Variants in PDE6A observed in about 807,000 individuals in gnomAD.
PDE6A encodes the protein phosphodiesterase 6A.
Under a neutral mutation model 106.3 loss-of-function variants are expected in PDE6A, and 84 were observed. That is an observed-to-expected ratio of 0.79 (90% CI 0.66 to 0.95). The LOEUF (loss-of-function observed/expected upper bound fraction) is 0.95, where lower values mean the gene tolerates loss of function less well. Ranked by LOEUF, PDE6A falls within the 40% of genes least tolerant of loss-of-function variation. The probability of loss-of-function intolerance (pLI) is 0.00; values close to 1 mark genes in which losing one functional copy is unlikely to be tolerated. For synonymous variants in PDE6A, 394 were observed against 386.6 expected, an observed-to-expected ratio of 1.02 and a Z score of -0.23; for missense variants, 1,052 against 1,084.9, an observed-to-expected ratio of 0.97 and a Z score of 0.43.
intron 6 of PDE6A, among the ~76,000 whole-genome samples, chr5:149,912,285 A>G (rs1397299761): frequency 6.6e-6 from 1 of 152,026 alleles, no homozygotes; most frequent in East Asian, 1.9e-4. Flanking sequence ...TCCAACATCT[A>G]TGTTCTTCCT....
At chr5:149,901,308 C>T (rs1391252109) in intron 8 of PDE6A, among the ~76,000 whole-genome samples, 1 of 152,116 alleles carries the variant, frequency 6.6e-6, no homozygotes, top group Non-Finnish European at 1.5e-5. Context: ...GCAGGCAGAT[C>T]ACCTGAGGTC....
At chr5:149,861,449 G>C (rs1358165610) in intron 21 of PDE6A, among the ~76,000 whole-genome samples, 1 of 152,370 alleles carries the variant, frequency 6.6e-6, no homozygotes, top group South Asian at 2.1e-4. Context: ...AAGAGTTGGA[G>C]GCCAACCTGG....
intron 4 of PDE6A, among the ~76,000 whole-genome samples, chr5:149,923,683 G>A (rs1753797870): frequency 6.6e-6 from 1 of 152,154 alleles, no homozygotes; most frequent in Non-Finnish European, 1.5e-5. Flanking sequence ...GAGGCCAACT[G>A]AGAACCACAC....
intron 17 of PDE6A, among the ~76,000 whole-genome samples, chr5:149,878,725 C>T (rs528733114): frequency 3.3e-5 from 5 of 152,320 alleles, no homozygotes; most frequent in Non-Finnish European, 7.3e-5. Context: ...ACAATTATAC[C>T]TCATTGTAGT....
In PDE6A at chr5:149,898,438, T is replaced by A; in HGVS notation, c.1332A>T (p.Glu444Asp). Reference protein sequence around the residue: ...PDTYESMNKLENRKDIFQDIV... With the variant: ...PDTYESMNKLDNRKDIFQDIV... ...TGTCCTGGAAAATATCCTTCCTATT[T>A]TCAAGTTTATTCATTGACTCATAGG... The change falls in exon 10 of 22, where the codon GAA becomes GAT. Residue 444 changes from glutamate to aspartate, a missense_variant. Glu to Asp is a conservative substitution (Grantham distance 45). Coordinates refer to ENST00000255266, the MANE Select transcript of PDE6A (RefSeq NM_000440.3). 6.2e-7 allele frequency: 1 copy of A among 1,613,040 alleles called. No homozygotes were observed. Among genetic ancestry groups the A allele is most frequent in the Non-Finnish European group, 8.5e-7 (1 of 1,179,046 alleles).
chr5:149,933,785 C>T (rs1307676952), intron 3 of PDE6A, 145 bp downstream of exon 3: 1 of 680,154 alleles, frequency 1.5e-6, no homozygotes, highest in East Asian at 2.7e-5. Flanking sequence ...GCTTTACAGA[C>T]AACCACTACC....
rs57546599 is a variant in PDE6A, at chr5:149,910,093, T to A, written c.999-2715A>T. Reference sequence around the variant, plus strand: ...TTTTTGAGGTCATGTTATGAGGTGCTTGCAAATTTAGAATGGTAATATCTT... The same window carrying A: ...TTTTTGAGGTCATGTTATGAGGTGCATGCAAATTTAGAATGGTAATATCTT... On this transcript the variant is annotated intron_variant, in intron 6 of 21. Coordinates refer to ENST00000255266, the MANE Select transcript of PDE6A (RefSeq NM_000440.3). Among the ~76,000 whole-genome samples the A allele has an allele frequency of 3.0e-3, 457 of 152,300 alleles. 1 individual carries two copies. The highest frequency in any genetic ancestry group is 0.011 in the African/African-American group (445 of 41,564).
chr5:149,878,299 T>C, intron 17 of PDE6A, among the ~76,000 whole-genome samples: 1 of 151,542 alleles, frequency 6.6e-6, no homozygotes, highest in East Asian at 1.9e-4. Flanking sequence ...ATCCTGCTCC[T>C]GGCTTTTTTT....
intron 13 of PDE6A, among the ~76,000 whole-genome samples, chr5:149,890,930 T>C (rs1264230528): frequency 6.6e-6 from 1 of 152,226 alleles, no homozygotes; most frequent in Non-Finnish European, 1.5e-5. Flanking sequence ...TTGATCCAAG[T>C]CAAGTTACCT....
At chr5:149,882,243 C>G (rs2113545971) in intron 17 of PDE6A, among the ~76,000 whole-genome samples, 1 of 151,970 alleles carries the variant, frequency 6.6e-6, no homozygotes, top group Admixed American at 6.5e-5. Context: ...GAAGGAGTGG[C>G]AACTTGCTGC....
At chr5:149,917,048 T>A (rs1179260272) in intron 5 of PDE6A, among the ~76,000 whole-genome samples, 2 of 146,210 alleles carry the variant, frequency 1.4e-5, no homozygotes, top group Non-Finnish European at 3.0e-5. Flanking sequence ...AAAGGGGATA[T>A]CTTTTTTTTT....
intron 13 of PDE6A, among the ~76,000 whole-genome samples, chr5:149,893,635 T>C (rs1331926021): frequency 2.6e-5 from 4 of 152,214 alleles, no homozygotes; most frequent in Non-Finnish European, 2.9e-5. Flanking sequence ...AATATGGTTA[T>C]GCAACCTTAC....
Position 149,903,645 on chromosome 5 carries a change from T to TA in PDE6A, c.1113+2dup. The TA allele has an allele frequency of 6.2e-7, 1 of 1,611,678 alleles. No individual in the cohort carries two copies. The highest frequency in any genetic ancestry group is 1.1e-5 in the South Asian group (1 of 91,042). On this transcript the variant is annotated splice_region_variant and intron_variant, in intron 8 of 21. Transcript: ENST00000255266. ...CTAAGACTGCAAATAAAAAATGACTTACCTGAAATGCAAAAAAGTCCTCCG... is the reference window on the plus strand; with the variant it reads ...CTAAGACTGCAAATAAAAAATGACTTAACCTGAAATGCAAAAAAGTCCTCCG...
chr5:149,919,761 A>G (rs1164919157), intron 5 of PDE6A, among the ~76,000 whole-genome samples: 2 of 152,222 alleles, frequency 1.3e-5, no homozygotes, highest in Non-Finnish European at 2.9e-5. Flanking sequence ...TGAAAGAGCC[A>G]CAGATACCCA....
intron 4 of PDE6A, among the ~76,000 whole-genome samples, chr5:149,927,719 A>C (rs1307328230): frequency 2.0e-5 from 3 of 152,046 alleles, no homozygotes. Flanking sequence ...CTTTTTAAAA[A>C]AATCTCAAAT....
intron 17 of PDE6A, among the ~76,000 whole-genome samples, chr5:149,877,569 C>T (rs1009791642): frequency 6.6e-6 from 1 of 152,088 alleles, no homozygotes; most frequent in Admixed American, 6.5e-5. Flanking sequence ...ACCACAATGC[C>T]TGGCTAATTT....
intron 5 of PDE6A, among the ~76,000 whole-genome samples, chr5:149,915,284 C>T (rs1469875986): frequency 6.6e-6 from 1 of 152,140 alleles, no homozygotes; most frequent in Non-Finnish European, 1.5e-5. Flanking sequence ...GCTGGGATTA[C>T]AGGCGTGAGC....
intron 21 of PDE6A, among the ~76,000 whole-genome samples, chr5:149,862,906 G>A (rs114281923): frequency 3.3e-5 from 5 of 152,332 alleles, no homozygotes; most frequent in South Asian, 4.1e-4. Flanking sequence ...GGCCTGGATC[G>A]TTCCTCAGCC....
At chr5:149,868,272 T>C in intron 17 of PDE6A, 114 bp from the exon 18 acceptor site, 2 of 1,066,892 alleles carry the variant, frequency 1.9e-6, no homozygotes, top group African/African-American at 1.6e-5. Flanking sequence ...TTTGTCTCAT[T>C]GTGAGGAAAG....
Sources: gnomAD v4.1 joint callset for allele counts (sites outside exome capture counted in the v4.1 genomes callset) on GRCh38, gnomAD v4.1.1 for gene constraint, MANE v1.5 for transcripts, NCBI Gene and HGNC (gene_info 2026-07-23, HGNC 2026-07-21) for gene names.